The following ABHD18 variants were observed in gnomAD, a reference collection of about 807,000 sequenced individuals.
The protein encoded by ABHD18 is cardiolipin-specific deacylase, mitochondrial.
ABHD18 carries 55 observed loss-of-function variants against 65.9 expected under a neutral mutation model. The observed-to-expected ratio is 0.84, with a 90% CI of 0.67 to 1.05. The LOEUF is 1.05. Ranked by LOEUF, ABHD18 falls within the 50% of genes least tolerant of loss-of-function variation. The probability of loss-of-function intolerance (pLI) is 0.00; values close to 1 mark genes in which losing one functional copy is unlikely to be tolerated. For missense variants in ABHD18, 533 were observed against 558.5 expected (o/e 0.95, Z 0.46); for synonymous variants, 181 against 180.2 (o/e 1.00, Z -0.04).
intron 7 of ABHD18, 34 bp from the exon 8 acceptor site, chr4:128,017,329 A>G (rs1201088883): frequency 6.2e-7 from 1 of 1,601,966 alleles, no homozygotes; most frequent in East Asian, 2.2e-5. Context: ...AAATACATAA[A>G]ATAATCATTT....
At chr4:128,021,513 G>A (rs984594095) in intron 10 of ABHD18, among the ~76,000 whole-genome samples, 4 of 152,090 alleles carry the variant, frequency 2.6e-5, no homozygotes, top group African/African-American at 7.2e-5. Context: ...AATTAGCCAC[G>A]TGTGGTGGTA....
chr4:127,967,424 G>T (rs909936886), intron 1 of ABHD18, among the ~76,000 whole-genome samples: 3 of 152,110 alleles, frequency 2.0e-5, no homozygotes, highest in African/African-American at 7.2e-5. Flanking sequence ...TGGCAAAGCG[G>T]CAAGAAGAAT....
At chr4:127,966,521 T>TTG (rs912979888) in intron 1 of ABHD18, among the ~76,000 whole-genome samples, 3 of 151,954 alleles carry the variant, frequency 2.0e-5, no homozygotes, top group African/African-American at 7.2e-5. Flanking sequence ...ATTTGTGACC[T>TTG]TGTGTGTATC....
rs550008077 is a variant in ABHD18, at chr4:128,013,013, C to T, written c.470+1313C>T. On this transcript the variant is annotated intron_variant, in intron 7 of 12. Transcript: ENST00000645843. Reference sequence around the variant, plus strand: ...CCTAGGAGGCGGACGTTGCAGTGAGCGGATACCATGCTGCTGCATCCAGCC... The same window carrying T: ...CCTAGGAGGCGGACGTTGCAGTGAGTGGATACCATGCTGCTGCATCCAGCC... 1.7e-3 allele frequency among the ~76,000 whole-genome samples: 230 copies of T among 139,194 alleles called. 5 individuals carry two copies. Among genetic ancestry groups the T allele is most frequent in the Middle Eastern group, 3.8e-3 (1 of 260 alleles). The allele number at this position is 139,194 out of a possible 152,430, so 91.3% of individuals were successfully genotyped here. A position where few individuals can be genotyped will look rare whatever the true frequency, so the allele number is the denominator to read the frequency against.
Sources: allele counts gnomAD v4.1 joint callset (sites outside exome capture counted in the v4.1 genomes callset), GRCh38; gene constraint gnomAD v4.1.1; transcripts MANE v1.5; gene names NCBI Gene and HGNC (gene_info 2026-07-23, HGNC 2026-07-21).